The following PCBP3 variants were observed in gnomAD, a reference collection of about 807,000 sequenced individuals.
The protein encoded by PCBP3 is poly(rC) binding protein 3, also known as poly(rC)-binding protein 3.
In PCBP3, 25 loss-of-function variants were observed where a neutral mutation model predicts 52.7. That is an observed-to-expected ratio of 0.47 (90% CI 0.35 to 0.66). The LOEUF (loss-of-function observed/expected upper bound fraction) is 0.66. Ranked by LOEUF, PCBP3 falls within the 30% of genes least tolerant of loss-of-function variation. The pLI is 0.01. For synonymous variants in PCBP3, 162 were observed against 183.0 expected (o/e 0.89, Z 0.93); for missense variants, 391 against 490.3 (o/e 0.80, Z 1.91).
chr21:45,932,182 C>T (rs1256261100), intron 15 of PCBP3, among the ~76,000 whole-genome samples: 1 of 140,872 alleles, frequency 7.1e-6, no homozygotes, highest in African/African-American at 2.7e-5. Flanking sequence ...TCAGCCATGC[C>T]GTCCCGAGAT....
At chr21:45,678,372 A>G (rs1364205348) in intron 2 of PCBP3, among the ~76,000 whole-genome samples, 1 of 152,094 alleles carries the variant, frequency 6.6e-6, no homozygotes, top group African/African-American at 2.4e-5. Context: ...GCTGCCACAG[A>G]TGGTGATTCC....
intron 13 of PCBP3, chr21:45,918,568 C>T (rs1349602014): frequency 1.1e-5 from 1 of 93,838 alleles, no homozygotes; most frequent in African/African-American, 5.0e-5. Flanking sequence ...CTCAGATAAA[C>T]GGTCGGTGTA....
intron 5 of PCBP3, among the ~76,000 whole-genome samples, chr21:45,867,307 G>A (rs1276636065): frequency 1.3e-5 from 2 of 152,332 alleles, no homozygotes; most frequent in East Asian, 1.9e-4. Context: ...GAGCCCCCAC[G>A]AATCCGCGTG....
intron 5 of PCBP3, among the ~76,000 whole-genome samples, chr21:45,866,271 G>T (rs543150504): frequency 6.6e-6 from 1 of 152,226 alleles, no homozygotes; most frequent in Non-Finnish European, 1.5e-5. Context: ...GGCACAGCCT[G>T]TGCTGTTCAG....
chr21:45,866,641 G>A (rs968505566), intron 5 of PCBP3, among the ~76,000 whole-genome samples: 1 of 152,154 alleles, frequency 6.6e-6, no homozygotes, highest in Admixed American at 6.5e-5. Flanking sequence ...GAGGGGTCTG[G>A]TGGGAGGCGG....
At chr21:45,888,947 G>T (rs2148892853) in intron 5 of PCBP3, among the ~76,000 whole-genome samples, 1 of 152,356 alleles carries the variant, frequency 6.6e-6, no homozygotes, top group East Asian at 1.9e-4. Context: ...CACGTGGACA[G>T]TATCTATACA....
intron 4 of PCBP3, among the ~76,000 whole-genome samples, chr21:45,766,334 CG>C (rs1409238011): frequency 6.6e-6 from 1 of 152,162 alleles, no homozygotes; most frequent in Non-Finnish European, 1.5e-5. Context: ...CTTTTGGAGT[CG>C]GGGCCCTTGG....
At chr21:45,814,774 GTGAGTGA>G (rs1603441759) in intron 4 of PCBP3, among the ~76,000 whole-genome samples, 9 of 120,656 alleles carry the variant, frequency 7.5e-5, no homozygotes, top group South Asian at 3.0e-4. Flanking sequence ...GTGGTGAGTG[GTGAGTGA>G]TGAGTGGTGA....
chr21:45,755,294 T>G (rs935877080), intron 3 of PCBP3, among the ~76,000 whole-genome samples, 123 bp from the exon 4 acceptor site: 2 of 152,218 alleles, frequency 1.3e-5, no homozygotes, highest in Non-Finnish European at 2.9e-5. Context: ...ATGCCACAAT[T>G]TGTACATCCA....
At chr21:45,925,128 A>G (rs74725696) in intron 13 of PCBP3, among the ~76,000 whole-genome samples, 4,895 of 28,592 alleles carry the variant, frequency 0.17, 1,621 homozygotes, top group African/African-American at 0.33. Flanking sequence ...CACACGTAAG[A>G]TCGGGTGTGC....
At chr21:45,888,957 A>G (rs2095587607) in intron 5 of PCBP3, among the ~76,000 whole-genome samples, 1 of 152,280 alleles carries the variant, frequency 6.6e-6, no homozygotes, top group Non-Finnish European at 1.5e-5. Context: ...GTATCTATAC[A>G]TGGAATTATT....
rs61208672 is a variant in PCBP3 at position 45,806,075 on chromosome 21, A to T, written c.-125-43886A>T. Among the ~76,000 whole-genome samples, 444 of 152,316 alleles carry T rather than the reference A, an allele frequency of 2.9e-3. 1 individual carries two copies. The highest frequency in any genetic ancestry group is 9.8e-3 in the African/African-American group (407 of 41,566). On this transcript the variant is annotated intron_variant, in intron 4 of 17. Transcript: ENST00000681687. ...CAGCTTCTGAGTCATTGCTGCCTCCAGGGTTATCACTGGGCAGAGAGCAGG... is the reference window on the plus strand; with the variant it reads ...CAGCTTCTGAGTCATTGCTGCCTCCTGGGTTATCACTGGGCAGAGAGCAGG...
chr21:45,900,374 A>G lies in PCBP3; in HGVS notation c.190-217A>G, dbSNP rs2095999618. On this transcript the variant is annotated intron_variant, in intron 7 of 17. Transcript: ENST00000681687. Reference sequence around the variant, plus strand: ...TGTGCCTGTAGGTGGGTGCACTTGCATTCCTGGGCCTCAGTTTCCCATCTG... The same window carrying G: ...TGTGCCTGTAGGTGGGTGCACTTGCGTTCCTGGGCCTCAGTTTCCCATCTG... 2.0e-5 allele frequency among the ~76,000 whole-genome samples: 3 copies of G among 152,138 alleles called. No individual in the cohort carries two copies. The South Asian group carries it at 6.2e-4, about 32-fold the overall frequency.
chr21:45,873,024 G>T (rs1439586023), intron 5 of PCBP3: 1 of 152,184 alleles, frequency 6.6e-6, no homozygotes, highest in Non-Finnish European at 1.5e-5. Flanking sequence ...AACCTTCCTG[G>T]GTGGCACCGA....
At chr21:45,668,708 A>C (rs2080965486) in intron 1 of PCBP3, among the ~76,000 whole-genome samples, 166 bp from the exon 2 acceptor site, 2 of 152,202 alleles carry the variant, frequency 1.3e-5, no homozygotes, top group African/African-American at 4.8e-5. Flanking sequence ...TTTCTAAAAA[A>C]AAAGTTGATT....
chr21:45,863,982 C>T (rs1192659885), intron 5 of PCBP3, among the ~76,000 whole-genome samples: 1 of 152,194 alleles, frequency 6.6e-6, no homozygotes, highest in Non-Finnish European at 1.5e-5. Flanking sequence ...CCCGTCAGGC[C>T]GGCTGTTCCA....
intron 9 of PCBP3, among the ~76,000 whole-genome samples, chr21:45,907,758 G>A (rs1021550448): frequency 5.3e-5 from 8 of 151,836 alleles, no homozygotes; most frequent in African/African-American, 1.9e-4. Flanking sequence ...CTGGCTCTCG[G>A]GGGATGGGTT....
intron 11 of PCBP3, among the ~76,000 whole-genome samples, chr21:45,912,419 A>G (rs1432142312): frequency 6.6e-6 from 1 of 152,184 alleles, no homozygotes; most frequent in Admixed American, 6.5e-5. Flanking sequence ...AAAGCCAAGG[A>G]TGCCTTAAAG....
At chr21:45,906,721 C>G (rs562102842) in intron 9 of PCBP3, among the ~76,000 whole-genome samples, 3 of 152,260 alleles carry the variant, frequency 2.0e-5, no homozygotes, top group African/African-American at 7.2e-5. Context: ...TCCGGGAGCT[C>G]AGGAAACAGT....
Sources: allele counts gnomAD v4.1 joint callset (sites outside exome capture counted in the v4.1 genomes callset), GRCh38; gene constraint gnomAD v4.1.1; transcripts MANE v1.5; gene names NCBI Gene and HGNC (gene_info 2026-07-23, HGNC 2026-07-21).